TANC1: variants seen among roughly 807,000 people sequenced by gnomAD.
TANC1 encodes protein TANC1.
In TANC1, 77 loss-of-function variants were observed where a neutral mutation model predicts 149.7. The observed-to-expected ratio is 0.51, with a 90% confidence interval of 0.43 to 0.62. The LOEUF (loss-of-function observed/expected upper bound fraction) is 0.62, where lower values mean the gene tolerates loss of function less well. TANC1 is among the 20% of genes least tolerant of loss of function. The pLI, the probability that TANC1 is intolerant of heterozygous loss-of-function variation, is 0.00. For missense variants in TANC1, 1,985 were observed against 2,321.8 expected (o/e 0.85, Z 2.98); for synonymous variants, 854 against 925.0 (o/e 0.92, Z 1.39).
Position 159,229,835 on chromosome 2 carries a change from CTG to C in TANC1, c.4411_4412del (p.Val1471PhefsTer142). 6.2e-7 allele frequency: 1 copy of C among 1,614,198 alleles called. No homozygotes were observed. On this transcript the variant is annotated frameshift_variant, in exon 27 of 27. Coordinates refer to ENST00000263635, the MANE Select transcript of TANC1 (RefSeq NM_033394.3). LOFTEE classifies it low-confidence loss of function (END_TRUNC). ...GAAGAAACTTCTCCCCAGGAAGAAT[CTG>C]TTTCCCCAACTCCCAGGTCCCAGCC...
chr2:159,224,392 GGA>G (rs770729410), intron 23 of TANC1, 28 bp downstream of exon 23: 21 of 1,613,660 alleles, frequency 1.3e-5, no homozygotes, highest in Middle Eastern at 1.6e-4. Flanking sequence ...CCATTGAGCA[GGA>G]GGAGCGGTGA....
At position 159,085,610 on chromosome 2, in the gene TANC1, G is replaced by T. The variant is rs866736922; in HGVS notation, c.62-12027G>T. 2.6e-4 allele frequency among the ~76,000 whole-genome samples: 40 copies of T among 152,258 alleles called. No individual in the cohort carries two copies. In the Middle Eastern group the frequency reaches 0.017, roughly 65 times the overall value. On this transcript the variant is annotated intron_variant, in intron 3 of 26. Transcript: ENST00000263635. ...GGCTGTAGTGCCAGCATCTGCTTTG[G>T]TGAGGCCTCAGGAAGCCTTTATTCC...
At chr2:159,047,671 T>C (rs1477260058) in intron 2 of TANC1, among the ~76,000 whole-genome samples, 1 of 152,160 alleles carries the variant, frequency 6.6e-6, no homozygotes, top group African/African-American at 2.4e-5. Flanking sequence ...ACAGAACCAA[T>C]GTTCATTTTA....
chr2:159,122,989 C>T (rs755091364), intron 4 of TANC1, among the ~76,000 whole-genome samples: 21 of 152,058 alleles, frequency 1.4e-4, no homozygotes, highest in Non-Finnish European at 1.5e-5. Context: ...AAACTATGAT[C>T]CATAGCTAAT....
At chr2:159,075,799 A>G (rs1019591250) in intron 3 of TANC1, among the ~76,000 whole-genome samples, 1 of 151,892 alleles carries the variant, frequency 6.6e-6, no homozygotes, top group African/African-American at 2.4e-5. Flanking sequence ...ATACCTTTGT[A>G]TGAATTTTAT....
In TANC1 at chr2:159,179,010, AG is replaced by A; in HGVS notation, c.2360del (p.Gly787AspfsTer68). On this transcript the variant is annotated frameshift_variant, in exon 14 of 27. Transcript: ENST00000263635. LOFTEE classifies it high-confidence loss of function. ...AATGCTGGCCACATCCAGGGGGAGC[AG>A]GGATGGGAAGACTTTCAGCAGAGGA... ...AINAGHIQGE[Q>X]GWEDFQQRMD... 1 of 1,614,124 alleles carries A rather than the reference AG, an allele frequency of 6.2e-7. No homozygotes were observed. The highest frequency in any genetic ancestry group is 8.5e-7 in the Non-Finnish European group (1 of 1,180,022).
intron 8 of TANC1, among the ~76,000 whole-genome samples, chr2:159,164,853 G>A (rs2054415485): frequency 6.6e-6 from 1 of 152,174 alleles, no homozygotes; most frequent in Non-Finnish European, 1.5e-5. Flanking sequence ...AAGTGAAATG[G>A]CCTTGTTCCA....
chr2:159,106,097 A>AT (rs1457902851), intron 4 of TANC1, among the ~76,000 whole-genome samples: 2 of 151,974 alleles, frequency 1.3e-5, no homozygotes, highest in African/African-American at 2.4e-5. Flanking sequence ...ATTCCATTGC[A>AT]TTTTTTTAAA....
At chr2:159,004,197 G>T in intron 2 of TANC1, 7 of 1,612,558 alleles carry the variant, frequency 4.3e-6, no homozygotes, top group Non-Finnish European at 5.9e-6. Flanking sequence ...GAAGTTAGCT[G>T]AACAGTTCCC....
intron 4 of TANC1, among the ~76,000 whole-genome samples, chr2:159,109,518 T>C (rs1452323943): frequency 1.3e-5 from 2 of 152,206 alleles, no homozygotes; most frequent in African/African-American, 4.8e-5. Flanking sequence ...CTAGAGCTCT[T>C]TCTGTTAGCC....
At chr2:159,035,115 A>G (rs2040077515) in intron 2 of TANC1, among the ~76,000 whole-genome samples, 1 of 152,202 alleles carries the variant, frequency 6.6e-6, no homozygotes, top group Non-Finnish European at 1.5e-5. Flanking sequence ...TTTGATGAAT[A>G]CTTCTATTGG....
At chr2:159,143,134 A>G (rs1410340278) in intron 5 of TANC1, among the ~76,000 whole-genome samples, 2 of 151,932 alleles carry the variant, frequency 1.3e-5, no homozygotes, top group Non-Finnish European at 2.9e-5. Flanking sequence ...TTAGTTGCCC[A>G]TAATAAAACT....
At chr2:158,974,127 C>G (rs1306507545) in intron 1 of TANC1, among the ~76,000 whole-genome samples, 1 of 152,162 alleles carries the variant, frequency 6.6e-6, no homozygotes. Context: ...GGATGGTCAC[C>G]ATACAACAGC....
Position 159,130,693 on chromosome 2 carries a change from T to C in TANC1, c.260-5501T>C, listed in dbSNP as rs548766003. ...ATAGAAACAGTATTGCTTTTCTTTC[T>C]ATAGGGCGTTTCTTCTTTTCTCTCA... On this transcript the variant is annotated intron_variant, in intron 4 of 26. Coordinates refer to ENST00000263635, the MANE Select transcript of TANC1 (RefSeq NM_033394.3). 2.0e-5 allele frequency among the ~76,000 whole-genome samples: 3 copies of C among 152,322 alleles called. No individual in the cohort carries two copies. In the South Asian group the frequency reaches 6.2e-4, roughly 32 times the overall value.
intron 1 of TANC1, among the ~76,000 whole-genome samples, chr2:158,988,185 C>T (rs981344568): frequency 7.9e-5 from 12 of 151,636 alleles, no homozygotes; most frequent in African/African-American, 1.2e-4. Flanking sequence ...ATTAGCCGGT[C>T]GTGGTGGTGG....
intron 1 of TANC1, among the ~76,000 whole-genome samples, chr2:158,984,602 G>A (rs184464902): frequency 9.9e-5 from 15 of 152,188 alleles, no homozygotes; most frequent in African/African-American, 3.6e-4. Flanking sequence ...GAGGCCCAGT[G>A]CTGTGTCTCA....
At chr2:159,068,764 G>C (rs2042888436) in intron 3 of TANC1, among the ~76,000 whole-genome samples, 1 of 152,208 alleles carries the variant, frequency 6.6e-6, no homozygotes, top group Non-Finnish European at 1.5e-5. Context: ...TTTTGAGACA[G>C]ACAGACTCTG....
In TANC1 at chr2:159,214,440, GTC is replaced by G. The variant is rs67749545; in HGVS notation, c.3245-3052_3245-3051del. 7.3e-3 allele frequency among the ~76,000 whole-genome samples: 1,111 copies of G among 152,278 alleles called. 9 individuals carry two copies. The highest frequency in any genetic ancestry group is 0.024 in the Middle Eastern group (7 of 294). ...GACCTTGGGACTCCAGAGCTGAGCA[GTC>G]TCTCACCTGCTGAGAACCATGGTGC... is the stretch of plus-strand genomic sequence containing the variant. On this transcript the variant is annotated intron_variant, in intron 19 of 26. Transcript: ENST00000263635.
At chr2:159,205,169 G>T (rs529835494) in intron 19 of TANC1, among the ~76,000 whole-genome samples, 13 of 152,346 alleles carry the variant, frequency 8.5e-5, no homozygotes, top group African/African-American at 3.1e-4. Flanking sequence ...CCATGGGACT[G>T]CTTTCCTTTC....
Sources: allele counts gnomAD v4.1 joint callset (sites outside exome capture counted in the v4.1 genomes callset), GRCh38; gene constraint gnomAD v4.1.1; transcripts MANE v1.5; gene names NCBI Gene and HGNC (gene_info 2026-07-23, HGNC 2026-07-21).